MCTP1: variants seen among roughly 807,000 people sequenced by gnomAD.
MCTP1 encodes the protein multiple C2 and transmembrane domain-containing protein 1.
In MCTP1, 69 loss-of-function variants were observed where a neutral mutation model predicts 120.6. The ratio of observed to expected loss-of-function variants is 0.57; its 90% CI spans 0.47 to 0.70. The LOEUF (loss-of-function observed/expected upper bound fraction) is 0.70, where lower values mean the gene tolerates loss of function less well. MCTP1 is among the 30% of genes least tolerant of loss of function. The pLI is 0.00. For missense variants in MCTP1, 1,203 were observed against 1,248.8 expected, an observed-to-expected ratio of 0.96 and a Z score of 0.55; for synonymous variants, 529 against 493.1, an observed-to-expected ratio of 1.07 and a Z score of -0.96.
chr5:95,008,947 T>C (rs1160360942), intron 2 of MCTP1, among the ~76,000 whole-genome samples: 2 of 151,960 alleles, frequency 1.3e-5, no homozygotes, highest in African/African-American at 4.8e-5. Context: ...GAGGATTCCA[T>C]GAACCCAGGA....
chr5:95,227,837 A>T (rs1754457270), intron 1 of MCTP1, among the ~76,000 whole-genome samples: 1 of 152,220 alleles, frequency 6.6e-6, no homozygotes, highest in Admixed American at 6.5e-5. Flanking sequence ...ACTGTAAAAA[A>T]TACAAAGAAA....
intron 22 of MCTP1, among the ~76,000 whole-genome samples, chr5:94,707,801 C>G (rs528217541): frequency 1.3e-5 from 2 of 151,996 alleles, no homozygotes; most frequent in South Asian, 4.2e-4. Flanking sequence ...TATTCACTGT[C>G]TATAACACAT....
Position 95,086,221 on chromosome 5 carries a change from T to C in MCTP1, c.721-68737A>G, listed in dbSNP as rs115580254. On this transcript the variant is annotated intron_variant, in intron 1 of 22. Coordinates refer to ENST00000515393, the MANE Select transcript of MCTP1 (RefSeq NM_024717.7). ...AAAATTTCTATTTCTTCTGAGTAGT[T>C]CAATTAATCCTTACAGGGTATCGGC... 4.5e-3 allele frequency among the ~76,000 whole-genome samples: 685 copies of C among 152,294 alleles called. 9 individuals carry two copies. The highest frequency in any genetic ancestry group is 0.016 in the African/African-American group (653 of 41,572).
chr5:95,191,577 A>G (rs1749831281), intron 1 of MCTP1, among the ~76,000 whole-genome samples: 1 of 152,044 alleles, frequency 6.6e-6, no homozygotes, highest in African/African-American at 2.4e-5. Flanking sequence ...ACTCTCAGTT[A>G]TAAGTCCCAG....
intron 15 of MCTP1, 40 bp from the exon 16 acceptor site, chr5:94,870,531 T>C: frequency 7.5e-7 from 1 of 1,341,378 alleles, no homozygotes; most frequent in Non-Finnish European, 1.1e-6. Context: ...ATTAATATAT[T>C]ACAAATGTTT....
Position 95,224,073 on chromosome 5 carries a change from A to G in MCTP1, c.720+59783T>C, listed in dbSNP as rs1181796215. On this transcript the variant is annotated intron_variant, in intron 1 of 22. Coordinates refer to ENST00000515393, the MANE Select transcript of MCTP1 (RefSeq NM_024717.7). ...TACAGTACAAATAGGGGAAACTCCA[A>G]TCCCTAGCAACAATGGAAATGCAAT... 1.4e-4 allele frequency among the ~76,000 whole-genome samples: 21 copies of G among 152,230 alleles called. 1 individual carries two copies. The highest frequency in any genetic ancestry group is 1.2e-3 in the Admixed American group (18 of 15,282).
chr5:94,832,088 G>A (rs901323932), intron 17 of MCTP1, among the ~76,000 whole-genome samples: 15 of 152,164 alleles, frequency 9.9e-5, no homozygotes, highest in African/African-American at 3.4e-4. Context: ...TTTGAAAAAT[G>A]GGGCAATCCC....
intron 1 of MCTP1, among the ~76,000 whole-genome samples, chr5:95,144,954 A>G (rs1760258771): frequency 6.6e-6 from 1 of 152,138 alleles, no homozygotes. Context: ...TGATATTTTG[A>G]TAGAGATGGC....
intron 2 of MCTP1, among the ~76,000 whole-genome samples, chr5:95,015,635 A>T (rs1047955613): frequency 6.6e-6 from 1 of 152,020 alleles, no homozygotes; most frequent in Non-Finnish European, 1.5e-5. Flanking sequence ...TATTGTTGAT[A>T]CTCTTTTGTA....
chr5:95,198,327 G>T (rs916946387), intron 1 of MCTP1, among the ~76,000 whole-genome samples: 11 of 151,970 alleles, frequency 7.2e-5, no homozygotes, highest in South Asian at 2.1e-4. Flanking sequence ...ACAATTTTTT[G>T]ACTTTAAAAT....
chr5:94,984,454 G>T (rs1830090719), intron 2 of MCTP1, among the ~76,000 whole-genome samples: 2 of 152,110 alleles, frequency 1.3e-5, no homozygotes, highest in South Asian at 4.1e-4. Flanking sequence ...CGGAAAATTT[G>T]ATTTAGGGAT....
At chr5:94,879,745 A>G (rs1179088821) in intron 12 of MCTP1, among the ~76,000 whole-genome samples, 1 of 152,110 alleles carries the variant, frequency 6.6e-6, no homozygotes, top group Non-Finnish European at 1.5e-5. Context: ...CAAATAATAT[A>G]TTAGTATTAT....
intron 1 of MCTP1, among the ~76,000 whole-genome samples, chr5:95,105,591 T>A (rs758006476): frequency 8.6e-5 from 13 of 151,954 alleles, no homozygotes; most frequent in Non-Finnish European, 1.5e-4. Context: ...GGATATCACA[T>A]CTCTGTACCA....
intron 17 of MCTP1, among the ~76,000 whole-genome samples, chr5:94,805,315 G>T (rs1020446649): frequency 1.6e-4 from 24 of 150,870 alleles, no homozygotes; most frequent in African/African-American, 3.2e-4. Context: ...GTTTTTTTTT[G>T]AAAAGTTTTA....
At chr5:94,991,214 T>A (rs1831493811) in intron 2 of MCTP1, among the ~76,000 whole-genome samples, 1 of 152,234 alleles carries the variant, frequency 6.6e-6, no homozygotes, top group Non-Finnish European at 1.5e-5. Context: ...TCTGCATTAC[T>A]GATACTGTGC....
At chr5:95,230,343 T>C (rs1754793746) in intron 1 of MCTP1, among the ~76,000 whole-genome samples, 1 of 152,060 alleles carries the variant, frequency 6.6e-6, no homozygotes, top group African/African-American at 2.4e-5. Context: ...ATGAGGAAAC[T>C]GGGGCAATAC....
chr5:94,775,412 A>G (rs546120851), intron 19 of MCTP1, among the ~76,000 whole-genome samples: 3 of 152,172 alleles, frequency 2.0e-5, no homozygotes, highest in Non-Finnish European at 4.4e-5. Context: ...CCACTGTATT[A>G]TTATCTATAA....
At chr5:94,946,465 T>C (rs1441807579) in intron 3 of MCTP1, among the ~76,000 whole-genome samples, 1 of 151,992 alleles carries the variant, frequency 6.6e-6, no homozygotes, top group African/African-American at 2.4e-5. Flanking sequence ...AAGAGAAAAA[T>C]TGGGAGCCCA....
intron 17 of MCTP1, among the ~76,000 whole-genome samples, chr5:94,865,767 A>G (rs1002816129): frequency 6.6e-6 from 1 of 151,930 alleles, no homozygotes; most frequent in African/African-American, 2.4e-5. Context: ...TTTAGAAAGG[A>G]AATAATATCT....
Sources: gnomAD v4.1 joint callset for allele counts (sites outside exome capture counted in the v4.1 genomes callset) on GRCh38, gnomAD v4.1.1 for gene constraint, MANE v1.5 for transcripts, NCBI Gene and HGNC (gene_info 2026-07-23, HGNC 2026-07-21) for gene names.